Variants in TENT4B observed in about 807,000 individuals in gnomAD.
TENT4B encodes the protein PAP associated domain containing 5.
TENT4B carries 10 observed loss-of-function variants against 75.0 expected under a neutral mutation model. That is an observed-to-expected ratio of 0.13 (90% CI 0.08 to 0.23). TENT4B has a LOEUF of 0.23. Among genes scored for constraint, TENT4B ranks in the 10% least tolerant of loss-of-function variants. TENT4B has a pLI of 1.00. For synonymous variants in TENT4B, 350 were observed against 357.7 expected (o/e 0.98, Z 0.24); for missense variants, 579 against 893.8 (o/e 0.65, Z 4.49).
chr16:50,200,393 A>G (rs1027160295), intron 1 of TENT4B, among the ~76,000 whole-genome samples: 6 of 151,944 alleles, frequency 3.9e-5, no homozygotes, highest in African/African-American at 1.2e-4. Context: ...AGAAAAAAAG[A>G]TGAGTCAGAG....
chr16:50,205,159 G>A (rs1010777560), intron 1 of TENT4B, among the ~76,000 whole-genome samples: 1 of 152,092 alleles, frequency 6.6e-6, no homozygotes, highest in African/African-American at 2.4e-5. Context: ...TCCCTCTTCG[G>A]ATGTGATCAC....
At chr16:50,169,362 C>G (rs2038162098) in intron 1 of TENT4B, among the ~76,000 whole-genome samples, 1 of 114,804 alleles carries the variant, frequency 8.7e-6, no homozygotes, top group South Asian at 2.9e-4. Context: ...GTAACTAGAT[C>G]TAGAGATTTG....
rs2032273496 is a variant in TENT4B at position 50,230,925 on chromosome 16, A to G, written c.*1597A>G. On this transcript the variant is annotated 3_prime_UTR_variant, in exon 12 of 12. Coordinates refer to ENST00000561678, the MANE Select transcript of TENT4B (RefSeq NM_001365324.3). ...TGAGACGAGATTCTTTTATATATAT[A>G]TACATATAAAGTACTATTGGCTTTT... The G allele has an allele frequency of 2.0e-6, 2 of 980,544 alleles. No homozygotes were observed. Among genetic ancestry groups the G allele is most frequent in the South Asian group, 4.7e-5 (1 of 21,192 alleles). 60.7% of individuals were successfully genotyped at this position (980,544 alleles called of 1,614,324 possible).
At chr16:50,183,523 T>C (rs1002994641) in intron 1 of TENT4B, among the ~76,000 whole-genome samples, 243 of 12,058 alleles carry the variant, frequency 0.02, 1 homozygote, top group Non-Finnish European at 0.035. Flanking sequence ...TAAAAACCCT[T>C]TTTTTTTTTT....
intron 1 of TENT4B, among the ~76,000 whole-genome samples, chr16:50,163,874 C>T (rs2038048666): frequency 6.6e-6 from 1 of 151,654 alleles, no homozygotes; most frequent in Non-Finnish European, 1.5e-5. Flanking sequence ...GAAATGGGGT[C>T]TCGCCGGGTG....
chr16:50,184,072 C>G (rs964808738), intron 1 of TENT4B, among the ~76,000 whole-genome samples: 20 of 152,196 alleles, frequency 1.3e-4, no homozygotes, highest in African/African-American at 4.8e-4. Context: ...AACCTCCCAG[C>G]ACTAGGCAAC....
intron 1 of TENT4B, among the ~76,000 whole-genome samples, chr16:50,185,733 C>G (rs1009369801): frequency 4.0e-5 from 6 of 151,822 alleles, no homozygotes; most frequent in Admixed American, 2.6e-4. Flanking sequence ...TCCCTTCCTC[C>G]CTCTCTCTTT....
intron 1 of TENT4B, among the ~76,000 whole-genome samples, chr16:50,189,490 TGGGGGCAAATGACTAAAA>T (rs1039276486): frequency 1.3e-5 from 2 of 152,190 alleles, no homozygotes; most frequent in African/African-American, 4.8e-5. Flanking sequence ...CAGACAGGTC[TGGGGGCAAATGACTAAAA>T]CATGAACTGA....
At chr16:50,184,678 AAAAAG>A (rs1477928500) in intron 1 of TENT4B, among the ~76,000 whole-genome samples, 1 of 151,876 alleles carries the variant, frequency 6.6e-6, no homozygotes, top group Non-Finnish European at 1.5e-5. Flanking sequence ...AAAAGAAAAA[AAAAAG>A]AGAATAATGC....
intron 1 of TENT4B, among the ~76,000 whole-genome samples, chr16:50,174,704 A>AACC (rs2038269915): frequency 1.3e-5 from 2 of 148,318 alleles, no homozygotes; most frequent in East Asian, 3.9e-4. Flanking sequence ...TTTACCCCTT[A>AACC]ACCAACCATT....
chr16:50,225,064 A>G, intron 9 of TENT4B, 34 bp from the exon 10 acceptor site: 1 of 1,608,464 alleles, frequency 6.2e-7, no homozygotes, highest in Non-Finnish European at 8.5e-7. Context: ...TTTAATGGGA[A>G]GAAACGTTTT....
At chr16:50,196,488 TATC>T (rs10536148) in intron 1 of TENT4B, among the ~76,000 whole-genome samples, 96,171 of 149,694 alleles carry the variant, frequency 0.64, 31,791 homozygotes, top group Non-Finnish European at 0.71. Flanking sequence ...AGTTTATCAT[TATC>T]ATCATCATCA....
intron 1 of TENT4B, among the ~76,000 whole-genome samples, chr16:50,179,453 T>C (rs1051209392): frequency 2.6e-5 from 4 of 152,216 alleles, no homozygotes; most frequent in African/African-American, 9.6e-5. Flanking sequence ...GTAATTGACT[T>C]GATAGAACAC....
At chr16:50,199,046 C>T (rs149776100) in intron 1 of TENT4B, among the ~76,000 whole-genome samples, 2 of 152,340 alleles carry the variant, frequency 1.3e-5, no homozygotes, top group Non-Finnish European at 2.9e-5. Flanking sequence ...GGGGTTGGCT[C>T]CATTCTCTCC....
intron 1 of TENT4B, among the ~76,000 whole-genome samples, chr16:50,156,016 A>C (rs1051989646): frequency 6.6e-6 from 1 of 152,168 alleles, no homozygotes; most frequent in Non-Finnish European, 1.5e-5. Context: ...ATACTCTAAA[A>C]GGTTCATATT....
chr16:50,231,093 T>C lies in TENT4B; in HGVS notation c.*1765T>C. ...TCACTGAAATTAACAATTTTCAATA[T>C]GTTCATATTTTAATTCACAATGGAA... is the stretch of plus-strand genomic sequence containing the variant. On this transcript the variant is annotated 3_prime_UTR_variant, in exon 12 of 12. Transcript: ENST00000561678. 1.0e-6 allele frequency: 1 copy of C among 984,476 alleles called. No homozygotes were observed. The highest frequency in any genetic ancestry group is 1.2e-6 in the Non-Finnish European group (1 of 828,654). The allele number at this position is 984,476 out of a possible 1,614,324, so 61.0% of individuals were successfully genotyped here. A position where few individuals can be genotyped will look rare whatever the true frequency, so the allele number is the denominator to read the frequency against.
At position 50,234,279 on chromosome 16, in the gene TENT4B, CAAAA is replaced by C. The variant is rs759941037; in HGVS notation, c.*4953_*4956del. On this transcript the variant is annotated 3_prime_UTR_variant, in exon 12 of 12. Coordinates refer to ENST00000561678, the MANE Select transcript of TENT4B (RefSeq NM_001365324.3). The stretch of plus-strand genomic sequence containing the variant: ...GACCTTCATCTCTTAAAAAAACAAA[CAAAA>C]ACCTGAATGGTGAGGTGTGGTGGAA... The C allele has an allele frequency of 1.2e-5, 12 of 985,246 alleles. No individual in the cohort carries two copies. The highest frequency in any genetic ancestry group is 1.7e-5 in the African/African-American group (1 of 57,188). The allele number at this position is 985,246 out of a possible 1,614,324, so 61.0% of individuals were successfully genotyped here. A position where few individuals can be genotyped will look rare whatever the true frequency, so the allele number is the denominator to read the frequency against.
intron 1 of TENT4B, among the ~76,000 whole-genome samples, chr16:50,210,987 T>G (rs1476488039): frequency 6.6e-6 from 1 of 152,206 alleles, no homozygotes; most frequent in African/African-American, 2.4e-5. Context: ...CAGTCCCTAC[T>G]GCCAGGAAAC....
intron 2 of TENT4B, 118 bp from the exon 3 acceptor site, chr16:50,214,103 A>G: frequency 1.4e-6 from 1 of 729,768 alleles, no homozygotes; most frequent in Non-Finnish European, 2.3e-6. Flanking sequence ...TGCTCTTGTC[A>G]TACCAAAAAG....
Sources: gnomAD v4.1 joint callset for allele counts (sites outside exome capture counted in the v4.1 genomes callset) on GRCh38, gnomAD v4.1.1 for gene constraint, MANE v1.5 for transcripts, NCBI Gene and HGNC (gene_info 2026-07-23, HGNC 2026-07-21) for gene names.